The following SPEF2 variants were observed in gnomAD, a reference collection of about 807,000 sequenced individuals.
SPEF2 encodes the protein sperm flagella and cilia-associated protein 2.
A neutral mutation model predicts 224.6 loss-of-function variants in SPEF2; 187 were observed. That is an observed-to-expected ratio of 0.83 (90% CI 0.74 to 0.94). The LOEUF (loss-of-function observed/expected upper bound fraction) is 0.94, where lower values mean the gene tolerates loss of function less well. Among genes scored for constraint, SPEF2 ranks in the 40% least tolerant of loss-of-function variants. SPEF2 has a pLI of 0.00. For synonymous variants in SPEF2, 715 were observed against 707.3 expected (o/e 1.01, Z -0.17); for missense variants, 2,170 against 2,135.6 (o/e 1.02, Z -0.32).
Position 35,771,730 on chromosome 5 carries a change from A to G in SPEF2, c.3923A>G (p.Lys1308Arg). The G allele has an allele frequency of 6.3e-7, 1 of 1,593,922 alleles. No individual in the cohort carries two copies. Among genetic ancestry groups the G allele is most frequent in the Non-Finnish European group, 8.5e-7 (1 of 1,175,194 alleles). ...NKKVKKEPPK[K>R]KQEDKKPKGK... The stretch of plus-strand genomic sequence containing the variant: ...AAAGTCAAAAAGGAGCCACCCAAGA[A>G]AAAACAGGAAGACAAAAAACCCAAA... The change falls in exon 27 of 37, where the codon AAA becomes AGA. Residue 1308 changes from lysine to arginine, a missense_variant. Transcript: ENST00000356031.
intron 17 of SPEF2, 140 bp from the exon 18 acceptor site, chr5:35,705,511 A>G: frequency 1.7e-6 from 1 of 580,082 alleles, no homozygotes. Context: ...TTAATCTAAA[A>G]TAAATAACAT....
At chr5:35,655,724 T>C (rs938815559) in intron 7 of SPEF2, among the ~76,000 whole-genome samples, 2 of 152,198 alleles carry the variant, frequency 1.3e-5, no homozygotes, top group African/African-American at 2.4e-5. Flanking sequence ...TCAGTGTTTT[T>C]AGCTAACTGA....
chr5:35,629,436 T>C (rs111901734), intron 2 of SPEF2, among the ~76,000 whole-genome samples: 3,050 of 151,988 alleles, frequency 0.02, 100 homozygotes, highest in African/African-American at 0.07. Flanking sequence ...GGATTACAGG[T>C]GTGAGCCACC....
chr5:35,685,285 A>T (rs1029057134), intron 10 of SPEF2, among the ~76,000 whole-genome samples: 1 of 152,120 alleles, frequency 6.6e-6, no homozygotes, highest in African/African-American at 2.4e-5. Flanking sequence ...GGTTTTAAAA[A>T]TTTGTTTCAA....
intron 8 of SPEF2, among the ~76,000 whole-genome samples, chr5:35,663,523 C>G (rs1350031431): frequency 6.6e-6 from 1 of 152,162 alleles, no homozygotes. Context: ...CACCCTTATT[C>G]TTCCATACCC....
intron 34 of SPEF2, among the ~76,000 whole-genome samples, chr5:35,800,923 G>T (rs1757335260): frequency 6.6e-6 from 1 of 152,186 alleles, no homozygotes; most frequent in Non-Finnish European, 1.5e-5. Context: ...ACTTGTTAAA[G>T]TAGAATAGTC....
chr5:35,722,094 GAA>G (rs112401540), intron 20 of SPEF2, among the ~76,000 whole-genome samples: 3 of 144,032 alleles, frequency 2.1e-5, no homozygotes, highest in African/African-American at 7.6e-5. Context: ...GAAGAGGAAA[GAA>G]AAAAAAAAAC....
intron 32 of SPEF2, 106 bp downstream of exon 32, chr5:35,793,447 T>C: frequency 8.7e-7 from 1 of 1,143,060 alleles, no homozygotes; most frequent in Non-Finnish European, 1.2e-6. Context: ...AGTGCATTGC[T>C]TCTCAGCTCC....
At chr5:35,711,281 G>T (rs1016369236) in intron 19 of SPEF2, among the ~76,000 whole-genome samples, 1 of 151,850 alleles carries the variant, frequency 6.6e-6, no homozygotes, top group African/African-American at 2.4e-5. Context: ...TTGTTATTTT[G>T]TTAAAAAATT....
At position 35,800,072 on chromosome 5, in the gene SPEF2, C is replaced by G. The variant is rs1482809141; in HGVS notation, c.4935C>G (p.Val1645=). The change falls in exon 34 of 37, where the codon GTC becomes GTG. Residue 1645 remains valine (V), a synonymous_variant. Transcript: ENST00000356031. Reference sequence around the variant, plus strand: ...GCCACCCAGACACCGTGGAAGGAGTCTACAGGGCCCTCAGTGTGGCTGTTG... The same window carrying G: ...GCCACCCAGACACCGTGGAAGGAGTGTACAGGGCCCTCAGTGTGGCTGTTG... ...FACHPDTVEG[V]YRALSVAVGT... 1.9e-6 allele frequency: 3 copies of G among 1,614,026 alleles called. No individual in the cohort carries two copies. In the African/African-American group the frequency reaches 4.0e-5, roughly 22 times the overall value.
chr5:35,808,054 T>A, intron 36 of SPEF2: 1 of 1,092,204 alleles, frequency 9.2e-7, no homozygotes. Flanking sequence ...GTAGATTGTG[T>A]ATCTTGACTT....
chr5:35,811,674 AG>A (rs200109833), intron 36 of SPEF2, among the ~76,000 whole-genome samples: 3,261 of 152,030 alleles, frequency 0.021, 111 homozygotes, highest in African/African-American at 0.075. Context: ...TGTTTAACTC[AG>A]TTCCTGGAAG....
At chr5:35,697,147 T>C (rs1755452955) in intron 14 of SPEF2, among the ~76,000 whole-genome samples, 1 of 152,198 alleles carries the variant, frequency 6.6e-6, no homozygotes, top group African/African-American at 2.4e-5. Flanking sequence ...TCTAGGGAAG[T>C]TCCTGTTTCA....
At chr5:35,769,588 A>G (rs1040013813) in intron 26 of SPEF2, among the ~76,000 whole-genome samples, 1 of 152,180 alleles carries the variant, frequency 6.6e-6, no homozygotes, top group African/African-American at 2.4e-5. Context: ...CCCTTTGAGC[A>G]CAGCACAGAC....
At position 35,702,230 on chromosome 5, in the gene SPEF2, C is replaced by A. The variant is rs183509736; in HGVS notation, c.2398+1478C>A. On this transcript the variant is annotated intron_variant, in intron 16 of 36. Transcript: ENST00000356031. ...CATGCAGTTCTGCAGTGCTCGGGGT[C>A]TATGGAGGAACCTGAAGAACATCTT... 1.4e-4 allele frequency: 65 copies of A among 456,188 alleles called. 1 individual carries two copies. The East Asian group carries it at 4.2e-3, about 30-fold the overall frequency. The allele number at this position is 456,188 out of a possible 1,614,324, so 28.3% of individuals were successfully genotyped here.
chr5:35,746,051 G>T (rs1318501981), intron 23 of SPEF2, among the ~76,000 whole-genome samples: 3 of 152,156 alleles, frequency 2.0e-5, no homozygotes, highest in African/African-American at 7.2e-5. Flanking sequence ...CTTACTGGGT[G>T]GCTAAACCCA....
At chr5:35,620,129 C>T (rs1743302040) in intron 1 of SPEF2, among the ~76,000 whole-genome samples, 1 of 152,182 alleles carries the variant, frequency 6.6e-6, no homozygotes, top group Non-Finnish European at 1.5e-5. Context: ...TGGGAACACA[C>T]TTAACTGTGT....
At chr5:35,701,077 T>G in intron 16 of SPEF2, among the ~76,000 whole-genome samples, 1 of 152,164 alleles carries the variant, frequency 6.6e-6, no homozygotes, top group East Asian at 1.9e-4. Context: ...TAGCGTGTTT[T>G]CGTGGGTCAC....
Position 35,618,047 on chromosome 5 carries a change from G to T in SPEF2, c.50G>T (p.Arg17Leu). The T allele has an allele frequency of 6.3e-7, 1 of 1,584,494 alleles. No homozygotes were observed. The highest frequency in any genetic ancestry group is 1.7e-5 in the Admixed American group (1 of 57,618). ...CTCAACAAGGAGTTGAAGGTGTCCC[G>T]GACCGTGAGTGAGTGACCACGGCCA... The part of the protein sequence containing the change: ...QWLNKELKVS[R>L]TVSPKSFAKA... Residue 17 changes from arginine (R) to leucine (L), a missense_variant, in exon 1 of 37, where the codon CGG becomes CTG. By Grantham distance (102) the Arg-to-Leu change is moderately radical (BLOSUM62 -2). Coordinates refer to ENST00000356031, the MANE Select transcript of SPEF2 (RefSeq NM_024867.4).
Sources: gnomAD v4.1 joint callset for allele counts (sites outside exome capture counted in the v4.1 genomes callset) on GRCh38, gnomAD v4.1.1 for gene constraint, MANE v1.5 for transcripts, NCBI Gene and HGNC (gene_info 2026-07-23, HGNC 2026-07-21) for gene names.